HMGCLL1: variants seen among roughly 807,000 people sequenced by gnomAD.
HMGCLL1 encodes 3-hydroxymethyl-3-methylglutaryl-CoA lyase, cytoplasmic.
In HMGCLL1, 36 loss-of-function variants were observed where a neutral mutation model predicts 39.1. The observed-to-expected ratio is 0.92, with a 90% CI of 0.71 to 1.22. HMGCLL1 has a LOEUF of 1.22. Among genes scored for constraint, HMGCLL1 ranks in the 50% most tolerant of loss-of-function variants. The pLI is 0.00. For missense variants in HMGCLL1, 451 were observed against 416.5 expected (o/e 1.08, Z -0.72); for synonymous variants, 149 against 144.0 (o/e 1.03, Z -0.25).
the HMGCLL1 span, among the ~76,000 whole-genome samples, chr6:55,641,734 C>T: frequency 6.6e-6 from 1 of 151,632 alleles, no homozygotes; most frequent in Non-Finnish European, 1.5e-5. Flanking sequence ...GCAAAAATAT[C>T]GTTTTGTAAA....
At chr6:55,642,551 T>C in the HMGCLL1 span, among the ~76,000 whole-genome samples, 1 of 152,124 alleles carries the variant, frequency 6.6e-6, no homozygotes, top group Non-Finnish European at 1.5e-5. Flanking sequence ...AATCACATCA[T>C]GGGAAATTGG....
the HMGCLL1 span, among the ~76,000 whole-genome samples, chr6:55,586,638 T>A: frequency 6.8e-6 from 1 of 147,870 alleles, no homozygotes; most frequent in Admixed American, 6.9e-5. Flanking sequence ...AGTGAGAACA[T>A]ACGGTGTTTG....
intron 7 of HMGCLL1, among the ~76,000 whole-genome samples, chr6:55,452,311 C>A (rs1285750804): frequency 6.6e-6 from 1 of 152,162 alleles, no homozygotes; most frequent in Non-Finnish European, 1.5e-5. Flanking sequence ...AGTCTTCTCA[C>A]CCAGACTTAG....
intron 7 of HMGCLL1, among the ~76,000 whole-genome samples, chr6:55,445,269 G>T (rs1763769144): frequency 6.6e-6 from 1 of 151,568 alleles, no homozygotes; most frequent in Admixed American, 6.6e-5. Flanking sequence ...TAAATTATAT[G>T]CTCGTTTTTC....
At chr6:55,650,090 C>T in the HMGCLL1 span, among the ~76,000 whole-genome samples, 339 of 52,116 alleles carry the variant, frequency 6.5e-3, 6 homozygotes, top group Non-Finnish European at 8.9e-3. Flanking sequence ...CACACATATA[C>T]ATATATATAT....
intron 7 of HMGCLL1, among the ~76,000 whole-genome samples, chr6:55,477,177 T>TTTA (rs1765351335): frequency 2.6e-5 from 1 of 38,366 alleles, no homozygotes; most frequent in Non-Finnish European, 4.0e-5. Flanking sequence ...ATAATATATA[T>TTTA]TATATTTATA....
chr6:55,675,217 C>T, the HMGCLL1 span, among the ~76,000 whole-genome samples: 5 of 151,920 alleles, frequency 3.3e-5, no homozygotes, highest in South Asian at 2.1e-4. Context: ...CCAGAAGTTT[C>T]GATAGTAAAT....
chr6:55,648,085 C>T, the HMGCLL1 span, among the ~76,000 whole-genome samples: 1 of 135,298 alleles, frequency 7.4e-6, no homozygotes, highest in Non-Finnish European at 1.6e-5. Context: ...CATGTCCCTA[C>T]AAAGGATATG....
At chr6:55,545,484 T>C (rs913415134) in intron 1 of HMGCLL1, among the ~76,000 whole-genome samples, 4 of 152,146 alleles carry the variant, frequency 2.6e-5, no homozygotes, top group African/African-American at 9.7e-5. Flanking sequence ...ACTATCTGAA[T>C]TAAGCCAGTG....
upstream of HMGCLL1, among the ~76,000 whole-genome samples, chr6:55,581,050 C>A (rs909529295): frequency 4.6e-5 from 7 of 152,076 alleles, no homozygotes; most frequent in African/African-American, 1.7e-4. Context: ...AACAAGGCAA[C>A]CTTCATAATG....
At chr6:55,546,990 T>C (rs760923610) in intron 1 of HMGCLL1, among the ~76,000 whole-genome samples, 2 of 152,068 alleles carry the variant, frequency 1.3e-5, no homozygotes, top group Non-Finnish European at 2.9e-5. Flanking sequence ...ATCTTGAATT[T>C]ATATGTTACT....
chr6:55,439,416 T>C lies in HMGCLL1; in HGVS notation c.921+18A>G, dbSNP rs925832427. On this transcript the variant is annotated intron_variant, in intron 8 of 8. Coordinates refer to ENST00000274901, the MANE Select transcript of HMGCLL1 (RefSeq NM_001042406.2). ...TGCAAGGAATGCATGAATATTAAAA[T>C]ACGTTAAAGTAACTTACTGTATTGA... 3.8e-6 allele frequency: 6 copies of C among 1,595,170 alleles called. No individual in the cohort carries two copies. Among genetic ancestry groups the C allele is most frequent in the Admixed American group, 3.4e-5 (2 of 58,924 alleles).
At chr6:55,439,153 T>C (rs1407698443) in intron 8 of HMGCLL1, among the ~76,000 whole-genome samples, 1 of 152,024 alleles carries the variant, frequency 6.6e-6, no homozygotes, top group Non-Finnish European at 1.5e-5. Context: ...ACTCACAAAG[T>C]GTATAAAATC....
chr6:55,598,883 T>C, the HMGCLL1 span, among the ~76,000 whole-genome samples: 1 of 152,184 alleles, frequency 6.6e-6, no homozygotes, highest in South Asian at 2.1e-4. Flanking sequence ...AATGCAAGAG[T>C]AAATTTTATG....
intron 4 of HMGCLL1, among the ~76,000 whole-genome samples, chr6:55,514,776 A>T (rs1444172575): frequency 6.6e-6 from 1 of 152,112 alleles, no homozygotes; most frequent in East Asian, 1.9e-4. Context: ...TTTAAATGCA[A>T]AATATTAATC....
chr6:55,648,463 C>T, the HMGCLL1 span, among the ~76,000 whole-genome samples: 1 of 94,434 alleles, frequency 1.1e-5, no homozygotes, highest in Non-Finnish European at 2.1e-5. Context: ...ATTGATAGAC[C>T]GCTAGCAAGA....
At chr6:55,609,620 A>C in the HMGCLL1 span, among the ~76,000 whole-genome samples, 4 of 150,440 alleles carry the variant, frequency 2.7e-5, no homozygotes, top group Non-Finnish European at 5.9e-5. Flanking sequence ...GAAGCTGGGC[A>C]ACCCTGACAA....
At chr6:55,598,245 C>T in the HMGCLL1 span, among the ~76,000 whole-genome samples, 13 of 152,126 alleles carry the variant, frequency 8.5e-5, no homozygotes, top group Admixed American at 3.3e-4. Context: ...TGATTTTTAT[C>T]CTGTGTCCTG....
chr6:55,660,136 G>A, the HMGCLL1 span, among the ~76,000 whole-genome samples: 3 of 151,778 alleles, frequency 2.0e-5, no homozygotes, highest in Non-Finnish European at 4.4e-5. Context: ...TCATACCCCT[G>A]CATTACTGAA....
Sources: gnomAD v4.1 joint callset for allele counts (sites outside exome capture counted in the v4.1 genomes callset) on GRCh38, gnomAD v4.1.1 for gene constraint, MANE v1.5 for transcripts, NCBI Gene and HGNC (gene_info 2026-07-23, HGNC 2026-07-21) for gene names.